Variants in DRC9 observed in about 807,000 individuals in gnomAD.
DRC9 encodes the protein dynein regulatory complex subunit 9, also known as dynein regulatory complex protein 9.
At chr3:197,938,697 T>C in the DRC9 span, 1 of 1,614,148 alleles carries the variant, frequency 6.2e-7, no homozygotes, top group South Asian at 1.1e-5. Flanking sequence ...CCTCAGTTAT[T>C]AACGGACTGG....
At chr3:197,951,093 G>T in the DRC9 span, 1 of 1,608,026 alleles carries the variant, frequency 6.2e-7, no homozygotes, top group Non-Finnish European at 8.5e-7. Context: ...TTTGGGTGGG[G>T]GTGATTACAA....
At chr3:197,891,484 CCTT>C in the DRC9 span, 18 of 1,605,774 alleles carry the variant, frequency 1.1e-5, no homozygotes, top group African/African-American at 6.7e-5. Context: ...TCCTGTTTTA[CCTT>C]CTTCTTGCTC....
chr3:197,926,158 G>A, the DRC9 span: 501 of 992,422 alleles, frequency 5.0e-4, 1 homozygote, highest in Non-Finnish European at 7.3e-4. Context: ...CAAAACTTAC[G>A]TGCACAAGGA....
chr3:197,914,590 A>T, the DRC9 span, among the ~76,000 whole-genome samples: 3 of 152,192 alleles, frequency 2.0e-5, no homozygotes, highest in African/African-American at 4.8e-5. Flanking sequence ...ATATTTATTC[A>T]GCACCAGGCA....
the DRC9 span, chr3:197,913,463 C>G: frequency 3.4e-6 from 1 of 290,318 alleles, no homozygotes; most frequent in Non-Finnish European, 6.6e-6. Flanking sequence ...CAGGTTTGAA[C>G]GAAGTTCAGC....
the DRC9 span, among the ~76,000 whole-genome samples, chr3:197,929,641 T>C: frequency 1.3e-5 from 2 of 152,116 alleles, no homozygotes; most frequent in Admixed American, 1.3e-4. The surrounding 1 kb of genome is among the most constrained non-coding windows in gnomAD (Gnocchi z 4.6). Context: ...CTGGGCATAG[T>C]GGCAAATGTC....
At chr3:197,917,824 G>A in the DRC9 span, among the ~76,000 whole-genome samples, 37 of 147,576 alleles carry the variant, frequency 2.5e-4, no homozygotes, top group Non-Finnish European at 4.9e-4. Flanking sequence ...TCTGCCTCCC[G>A]GGTTCAAGCG....
chr3:197,908,552 C>T, the DRC9 span, among the ~76,000 whole-genome samples: 1 of 145,974 alleles, frequency 6.9e-6, no homozygotes, highest in Admixed American at 6.8e-5. Flanking sequence ...ATGAAGTTAT[C>T]ACAGGGGTGA....
chr3:197,900,394 A>C, the DRC9 span, among the ~76,000 whole-genome samples: 1 of 152,186 alleles, frequency 6.6e-6, no homozygotes, highest in Admixed American at 6.5e-5. This position sits in a 1 kb window ranked among gnomAD's most constrained non-coding sequence, Gnocchi z 4.7. Context: ...AGTACAGAGG[A>C]CTTTGTCTTG....
the DRC9 span, among the ~76,000 whole-genome samples, chr3:197,952,175 T>G: frequency 3.7e-3 from 516 of 139,088 alleles, 6 homozygotes; most frequent in African/African-American, 0.013. Context: ...TTTTTTTTTT[T>G]TTTTTTTTTT....
chr3:197,947,461 T>C, the DRC9 span, among the ~76,000 whole-genome samples: 252 of 152,308 alleles, frequency 1.7e-3, 1 homozygote, highest in African/African-American at 3.5e-3. Context: ...ACAACTGCAC[T>C]TTCCTTGCTC....
chr3:197,934,352 C>T, the DRC9 span, among the ~76,000 whole-genome samples: 37,793 of 151,538 alleles, frequency 0.25, 5,907 homozygotes, highest in African/African-American at 0.45. Context: ...ACCCAGCTAA[C>T]TTCTGTATTT....
the DRC9 span, chr3:197,955,676 C>T: frequency 4.7e-6 from 6 of 1,263,442 alleles, no homozygotes; most frequent in East Asian, 4.6e-5. Context: ...AGAGATTTAT[C>T]CGTATTACGG....
At chr3:197,895,169 CAAAA>C in the DRC9 span, among the ~76,000 whole-genome samples, 12 of 151,822 alleles carry the variant, frequency 7.9e-5, no homozygotes, top group African/African-American at 2.7e-4. Context: ...AACAAACAAA[CAAAA>C]AAAACAAAGA....
At chr3:197,923,232 C>T in the DRC9 span, among the ~76,000 whole-genome samples, 1 of 152,188 alleles carries the variant, frequency 6.6e-6, no homozygotes, top group Admixed American at 6.5e-5. Context: ...AGTCCTCCTA[C>T]CTTAGCCTCC....
At chr3:197,939,969 C>T in the DRC9 span, among the ~76,000 whole-genome samples, 6 of 152,070 alleles carry the variant, frequency 3.9e-5, no homozygotes, top group African/African-American at 7.2e-5. Context: ...ATTAAAGAAA[C>T]GAGCTAAGTG....
At chr3:197,931,700 C>G in the DRC9 span, among the ~76,000 whole-genome samples, 1 of 151,908 alleles carries the variant, frequency 6.6e-6, no homozygotes, top group Admixed American at 6.6e-5. Flanking sequence ...CTCTGCCTCA[C>G]TACAAGCTCT....
the DRC9 span, among the ~76,000 whole-genome samples, chr3:197,935,087 G>GA: frequency 3.3e-5 from 5 of 152,310 alleles, no homozygotes; most frequent in African/African-American, 1.2e-4. Flanking sequence ...GAGATTTAGA[G>GA]AATAGCCAGT....
chr3:197,944,594 G>A, the DRC9 span, among the ~76,000 whole-genome samples: 8 of 152,046 alleles, frequency 5.3e-5, no homozygotes, highest in East Asian at 1.9e-4. Context: ...GACTACAGGC[G>A]TCCACCAACA....
Sources: allele counts gnomAD v4.1 joint callset (sites outside exome capture counted in the v4.1 genomes callset), GRCh38; gene constraint gnomAD v4.1.1; non-coding constraint Gnocchi (gnomAD v3.1); transcripts MANE v1.5; gene names NCBI Gene and HGNC (gene_info 2026-07-23, HGNC 2026-07-21).